ATRNL1: variants seen among roughly 807,000 people sequenced by gnomAD.
ATRNL1 encodes attractin-like protein 1.
A neutral mutation model predicts 182.7 loss-of-function variants in ATRNL1; 95 were observed. That is an observed-to-expected ratio of 0.52 (90% confidence interval 0.44 to 0.62). The LOEUF is 0.62. ATRNL1 is among the 20% of genes least tolerant of loss of function. The pLI is 0.00. For missense variants in ATRNL1, 1,471 were observed against 1,679.5 expected, an observed-to-expected ratio of 0.88 and a Z score of 2.17; for synonymous variants, 576 against 568.3, an observed-to-expected ratio of 1.01 and a Z score of -0.19.
chr10:115,553,493 C>T (rs2209850), intron 26 of ATRNL1, among the ~76,000 whole-genome samples: 45,264 of 151,124 alleles, frequency 0.3, 7,885 homozygotes, highest in East Asian at 0.68. Context: ...TTACACTTCT[C>T]TTCTGCTTCA....
At chr10:115,481,100 A>G in intron 24 of ATRNL1, among the ~76,000 whole-genome samples, 1 of 150,732 alleles carries the variant, frequency 6.6e-6, no homozygotes, top group East Asian at 1.9e-4. Context: ...AAATATTCAT[A>G]ATAATCCCAT....
At chr10:115,524,870 G>A (rs991402122) in intron 25 of ATRNL1, among the ~76,000 whole-genome samples, 2 of 152,114 alleles carry the variant, frequency 1.3e-5, no homozygotes, top group East Asian at 3.8e-4. Context: ...TGAATGCTTG[G>A]CTATCTGTGT....
In ATRNL1 at chr10:115,530,763, T is replaced by A. The variant is rs1295681466; in HGVS notation, c.3716+11439T>A. ...ATTTAGCATTAGGTATATCTCCTCATGCTATCCCTCCCCCCTCCCCCCACC... is the reference window on the plus strand; with the variant it reads ...ATTTAGCATTAGGTATATCTCCTCAAGCTATCCCTCCCCCCTCCCCCCACC... On this transcript the variant is annotated intron_variant, in intron 25 of 28. Transcript: ENST00000355044. Among the ~76,000 whole-genome samples, 9 of 144,222 alleles carry A rather than the reference T, an allele frequency of 6.2e-5. No homozygotes were observed. The East Asian group carries it at 1.8e-3, about 28-fold the overall frequency. 94.6% of individuals were successfully genotyped at this position (144,222 alleles called of 152,430 possible). A position where few individuals can be genotyped will look rare whatever the true frequency, so the allele number is the denominator to read the frequency against.
intron 27 of ATRNL1, among the ~76,000 whole-genome samples, chr10:115,740,598 C>T (rs969388076): frequency 6.6e-6 from 1 of 152,092 alleles, no homozygotes; most frequent in Non-Finnish European, 1.5e-5. Context: ...CTCCACCTCC[C>T]GGGTTCATGC....
At chr10:115,106,570 A>G (rs1229296432) in intron 1 of ATRNL1, among the ~76,000 whole-genome samples, 1 of 152,170 alleles carries the variant, frequency 6.6e-6, no homozygotes, top group African/African-American at 2.4e-5. Context: ...TGTTATGTAA[A>G]GGAATTACCC....
At chr10:115,443,203 TATC>T (rs1554966074) in intron 21 of ATRNL1, among the ~76,000 whole-genome samples, 1 of 152,036 alleles carries the variant, frequency 6.6e-6, no homozygotes, top group Non-Finnish European at 1.5e-5. Context: ...GGTGATTTGA[TATC>T]ATCAAATTAT....
chr10:115,827,307 G>A (rs1555092286), intron 27 of ATRNL1, among the ~76,000 whole-genome samples: 4 of 152,316 alleles, frequency 2.6e-5, no homozygotes, highest in African/African-American at 2.4e-5. Flanking sequence ...CACACCCCCT[G>A]CAAACTGTTT....
intron 1 of ATRNL1, among the ~76,000 whole-genome samples, chr10:115,108,598 G>T (rs892178354): frequency 1.1e-4 from 16 of 152,164 alleles, no homozygotes; most frequent in African/African-American, 3.9e-4. Flanking sequence ...TTATGAAAAT[G>T]GATTTCCCAG....
chr10:115,674,691 A>G (rs924239463), intron 26 of ATRNL1, among the ~76,000 whole-genome samples: 2 of 152,082 alleles, frequency 1.3e-5, no homozygotes, highest in African/African-American at 4.8e-5. Context: ...CAAATTATTT[A>G]GCCTGGAATG....
At chr10:115,631,556 A>G (rs544640596) in intron 26 of ATRNL1, among the ~76,000 whole-genome samples, 2 of 152,208 alleles carry the variant, frequency 1.3e-5, no homozygotes, top group Admixed American at 6.5e-5. Context: ...AAGGGAATAG[A>G]TGGGAGAGAC....
Position 115,483,999 on chromosome 10 carries a change from A to C in ATRNL1, c.3654+14670A>C, listed in dbSNP as rs949128868. Among the ~76,000 whole-genome samples, 16 of 151,760 alleles carry C rather than the reference A, an allele frequency of 1.1e-4. 1 individual carries two copies. The highest frequency in any genetic ancestry group is 6.8e-3 in the Middle Eastern group (2 of 294). On this transcript the variant is annotated intron_variant, in intron 24 of 28. Coordinates refer to ENST00000355044, the MANE Select transcript of ATRNL1 (RefSeq NM_207303.4). ...TCAGGAAGCATTTGTAAGAATTTGT[A>C]AGAATACAGTTGAATAAACCTACAC...
intron 15 of ATRNL1, among the ~76,000 whole-genome samples, chr10:115,287,699 T>G (rs1852687676): frequency 6.6e-6 from 1 of 152,128 alleles, no homozygotes; most frequent in African/African-American, 2.4e-5. Context: ...TATCATTTAC[T>G]TGTGTTGGGA....
At chr10:115,490,120 T>A (rs1849224486) in intron 24 of ATRNL1, among the ~76,000 whole-genome samples, 1 of 152,188 alleles carries the variant, frequency 6.6e-6, no homozygotes, top group African/African-American at 2.4e-5. Context: ...CTTCCCTTTG[T>A]GGGTAACCCG....
chr10:115,553,901 A>G lies in ATRNL1; in HGVS notation c.3795+4365A>G, dbSNP rs192894713. 1.2e-3 allele frequency among the ~76,000 whole-genome samples: 177 copies of G among 151,646 alleles called. 8 individuals are homozygous for G. In the East Asian group the frequency reaches 0.031, roughly 27 times the overall value. Reference sequence around the variant, plus strand: ...CTAAGTAATATTAATGCAATGTAGCAGTGTTTTATAAATTAAACTACTCTT... The same window carrying G: ...CTAAGTAATATTAATGCAATGTAGCGGTGTTTTATAAATTAAACTACTCTT... On this transcript the variant is annotated intron_variant, in intron 26 of 28. Coordinates refer to ENST00000355044, the MANE Select transcript of ATRNL1 (RefSeq NM_207303.4).
chr10:115,467,119 A>T, intron 22 of ATRNL1, 55 bp from the exon 23 acceptor site: 1 of 934,358 alleles, frequency 1.1e-6, no homozygotes, highest in Non-Finnish European at 1.7e-6. Flanking sequence ...AGACTAAATC[A>T]TATATATCTA....
chr10:115,884,814 A>T (rs1555109391), intron 28 of ATRNL1, among the ~76,000 whole-genome samples: 1 of 152,210 alleles, frequency 6.6e-6, no homozygotes, highest in African/African-American at 2.4e-5. Flanking sequence ...CAGAATTACA[A>T]GGGAACAATG....
chr10:115,301,840 G>A lies in ATRNL1; in HGVS notation c.2630-15G>A. On this transcript the variant is annotated splice_polypyrimidine_tract_variant and intron_variant, in intron 16 of 28. Transcript: ENST00000355044. The stretch of plus-strand genomic sequence containing the variant: ...AGTTAAAAATGAAATTATTGTATTT[G>A]TTTATTTATTCCAGTTAGTCCAAAT... The A allele has an allele frequency of 6.4e-7, 1 of 1,571,390 alleles. No individual in the cohort carries two copies. Among genetic ancestry groups the A allele is most frequent in the Middle Eastern group, 1.7e-4 (1 of 5,880 alleles).
At chr10:115,745,131 C>CT (rs782288162) in intron 27 of ATRNL1, among the ~76,000 whole-genome samples, 53 of 146,426 alleles carry the variant, frequency 3.6e-4, no homozygotes, top group South Asian at 6.6e-4. Flanking sequence ...GAAAATGGAA[C>CT]TTTTTTTTTT....
intron 10 of ATRNL1, among the ~76,000 whole-genome samples, chr10:115,260,369 C>G (rs1216560675): frequency 1.3e-5 from 2 of 152,140 alleles, no homozygotes; most frequent in East Asian, 3.9e-4. Flanking sequence ...AGGCAGGAGA[C>G]TGGAAAATTA....
Sources: gnomAD v4.1 joint callset for allele counts (sites outside exome capture counted in the v4.1 genomes callset) on GRCh38, gnomAD v4.1.1 for gene constraint, MANE v1.5 for transcripts, NCBI Gene and HGNC (gene_info 2026-07-23, HGNC 2026-07-21) for gene names.